The following SLC10A1 variants were observed in gnomAD, a reference collection of about 807,000 sequenced individuals.
SLC10A1 encodes the protein solute carrier family 10 member 1.
SLC10A1 carries 36 observed loss-of-function variants against 20.5 expected under a neutral mutation model. The observed-to-expected ratio is 1.75, with a 90% CI of 1.34 to 2.32. The LOEUF is 2.32. Ranked by LOEUF, SLC10A1 falls within the 30% of genes most tolerant of loss-of-function variation. The pLI is 0.00. For synonymous variants in SLC10A1, 188 were observed against 163.6 expected (o/e 1.15, Z -1.14); for missense variants, 545 against 439.1 (o/e 1.24, Z -2.16).
At chr14:69,791,647 A>G (rs1883843602) in intron 1 of SLC10A1, among the ~76,000 whole-genome samples, 1 of 152,176 alleles carries the variant, frequency 6.6e-6, no homozygotes, top group Non-Finnish European at 1.5e-5. Context: ...CAGATAACAA[A>G]ACTTATAAAA....
intron 4 of SLC10A1, among the ~76,000 whole-genome samples, chr14:69,777,771 G>A (rs1006138655): frequency 1.3e-5 from 2 of 151,774 alleles, no homozygotes; most frequent in East Asian, 3.9e-4. Context: ...GTTTATTGTG[G>A]AGGTAGTTAC....
Position 69,779,182 on chromosome 14 carries a change from C to T in SLC10A1, c.746G>A (p.Arg249Gln), listed in dbSNP as rs140623846. 2.3e-4 allele frequency: 359 copies of T among 1,581,560 alleles called. No homozygotes were observed. Among genetic ancestry groups the T allele is most frequent in the Non-Finnish European group, 2.8e-4 (332 of 1,167,660 alleles). ...TCTTAAAAAAAAAAAAAATACCTAC[C>T]GTCCATTGAGGCAGAAGAGAGCAGA... ...VLSALFCLNGRCRRTVSMETG... is the reference protein window; with the variant it reads ...VLSALFCLNGQCRRTVSMETG... The change falls in exon 3 of 5, where the codon CGG (arginine) becomes CAG (glutamine). Residue 249 changes from arginine to glutamine, a missense_variant and splice_region_variant. By Grantham distance (43) the Arg-to-Gln change is conservative. Transcript: ENST00000216540.
chr14:69,788,280 ATGG>A (rs1883768876), intron 1 of SLC10A1, among the ~76,000 whole-genome samples: 1 of 152,176 alleles, frequency 6.6e-6, no homozygotes, highest in Non-Finnish European at 1.5e-5. Context: ...ATATGAAATC[ATGG>A]TGGAAACAGT....
intron 1 of SLC10A1, among the ~76,000 whole-genome samples, chr14:69,787,495 C>T (rs1883748361): frequency 1.2e-5 from 1 of 81,418 alleles, no homozygotes; most frequent in African/African-American, 4.7e-5. Context: ...CACAGCCCTA[C>T]CCTCCATCTA....
chr14:69,792,179 A>G (rs1882287545), intron 1 of SLC10A1, among the ~76,000 whole-genome samples: 1 of 152,052 alleles, frequency 6.6e-6, no homozygotes, highest in Admixed American at 6.6e-5. Context: ...TGTAGATAGT[A>G]AAAGATTTCT....
intron 2 of SLC10A1, among the ~76,000 whole-genome samples, chr14:69,781,427 C>T (rs897466440): frequency 5.3e-5 from 8 of 152,206 alleles, no homozygotes; most frequent in African/African-American, 1.2e-4. Flanking sequence ...AGTCTACCCA[C>T]AAAGGTGGCC....
Position 69,778,445 on chromosome 14 carries a change from T to G in SLC10A1, c.831A>C (p.Glu277Asp), listed in dbSNP as rs751889477. The change falls in exon 4 of 5, where the codon GAA becomes GAC. Residue 277 changes from glutamate to aspartate, a missense_variant. Transcript: ENST00000216540. ...GAAAGAAGAAAAGTGGTCCAATGAC[T>G]TCAGGTGGAAAGGCCACATTGAGGA... ...STILNVAFPP[E>D]VIGPLFFFPL... 1.2e-6 allele frequency: 2 copies of G among 1,614,070 alleles called. No individual in the cohort carries two copies. The highest frequency in any genetic ancestry group is 8.5e-7 in the Non-Finnish European group (1 of 1,179,994).
In SLC10A1 at chr14:69,777,987, G is replaced by C. The variant is rs116123638; in HGVS notation, c.943+346C>G. Among the ~76,000 whole-genome samples the C allele has an allele frequency of 8.9e-3, 1,348 of 152,144 alleles. 17 individuals are homozygous for C. Among genetic ancestry groups the C allele is most frequent in the African/African-American group, 0.029 (1,206 of 41,492 alleles). The stretch of plus-strand genomic sequence containing the variant: ...AGAAATGGAAACTTCCCCAACTCTT[G>C]CGAATAGAGGCCTTTCACACAACTA... On this transcript the variant is annotated intron_variant, in intron 4 of 4. Transcript: ENST00000216540.
chr14:69,794,914 G>T (rs910511280), intron 1 of SLC10A1, among the ~76,000 whole-genome samples: 7 of 152,182 alleles, frequency 4.6e-5, no homozygotes, highest in African/African-American at 1.4e-4. Flanking sequence ...AGGCATTGTG[G>T]CAGAGGCCTC....
At position 69,777,578 on chromosome 14, in the gene SLC10A1, G is replaced by GTTTTTT. The variant is rs4646293; in HGVS notation, c.943+749_943+754dup. Among the ~76,000 whole-genome samples, 29 of 72,446 alleles carry GTTTTTT rather than the reference G, an allele frequency of 4.0e-4. 4 individuals carry two copies. Among genetic ancestry groups the GTTTTTT allele is most frequent in the Non-Finnish European group, 4.9e-4 (19 of 38,978 alleles). 47.5% of individuals were successfully genotyped at this position (72,446 alleles called of 152,430 possible). On this transcript the variant is annotated intron_variant, in intron 4 of 4. Transcript: ENST00000216540. ...GTTATAAAGTGGGTTTGAATGTCCT[G>GTTTTTT]TTTTTTTTTTTTTTTTTTTTTTTTT...
chr14:69,776,856 C>G (rs1883459607), intron 4 of SLC10A1, among the ~76,000 whole-genome samples: 1 of 152,134 alleles, frequency 6.6e-6, no homozygotes, highest in African/African-American at 2.4e-5. Flanking sequence ...CTGCACCTTT[C>G]TATACAGATG....
intron 1 of SLC10A1, among the ~76,000 whole-genome samples, chr14:69,788,290 CAG>C (rs1566637702): frequency 2.0e-5 from 3 of 151,898 alleles, no homozygotes; most frequent in Non-Finnish European, 2.9e-5. Flanking sequence ...ATGGTGGAAA[CAG>C]TATTTAGAAT....
chr14:69,787,511 C>G (rs1594763368), intron 1 of SLC10A1, among the ~76,000 whole-genome samples: 1 of 152,210 alleles, frequency 6.6e-6, no homozygotes, highest in South Asian at 2.1e-4. Context: ...ATCTACACTT[C>G]TTTCATTATT....
chr14:69,778,463 A>T lies in SLC10A1; in HGVS notation c.813T>A (p.Asn271Lys), dbSNP rs1001818628. The T allele has an allele frequency of 4.3e-6, 7 of 1,613,996 alleles. No individual in the cohort carries two copies. The highest frequency in any genetic ancestry group is 5.9e-6 in the Non-Finnish European group (7 of 1,179,964). The change falls in exon 4 of 5, where the codon AAT (asparagine) becomes AAA (lysine). Residue 271 changes from asparagine to lysine, a missense_variant. Asn to Lys is a moderately conservative substitution (Grantham distance 94). Coordinates refer to ENST00000216540, the MANE Select transcript of SLC10A1 (RefSeq NM_003049.4). ...CAATGACTTCAGGTGGAAAGGCCAC[A>T]TTGAGGATGGTGGAACAGAGTTGGA... ...QNVQLCSTIL[N>K]VAFPPEVIGP...
intron 2 of SLC10A1, among the ~76,000 whole-genome samples, chr14:69,784,316 G>A (rs556205513): frequency 6.6e-6 from 1 of 152,338 alleles, no homozygotes; most frequent in African/African-American, 2.4e-5. Context: ...CTGCTAGAAG[G>A]TCAAGGAAGG....
Position 69,779,223 on chromosome 14 carries a change from C to A in SLC10A1, c.705G>T (p.Leu235=). 1 of 1,613,372 alleles carries A rather than the reference C, an allele frequency of 6.2e-7. No homozygotes were observed. The highest frequency in any genetic ancestry group is 1.6e-4 in the Middle Eastern group (1 of 6,062). Residue 235 remains leucine (L), a synonymous_variant, in exon 3 of 5, where the codon CTG becomes CTT. Coordinates refer to ENST00000216540, the MANE Select transcript of SLC10A1 (RefSeq NM_003049.4). ...AGAGAGCAGAGAGAACATAACCCAGCAGAAAGCCAATAAAAGGCATCAGGG... is the reference window on the plus strand; with the variant it reads ...AGAGAGCAGAGAGAACATAACCCAGAAGAAAGCCAATAAAAGGCATCAGGG... ...TSSLMPFIGF[L]LGYVLSALFC...
intron 1 of SLC10A1, among the ~76,000 whole-genome samples, chr14:69,790,733 TAGTC>T: frequency 6.6e-6 from 1 of 152,112 alleles, no homozygotes; most frequent in Non-Finnish European, 1.5e-5. Flanking sequence ...AAAGCAAAGA[TAGTC>T]ATTATTATTA....
intron 4 of SLC10A1, 21 bp from the exon 5 acceptor site, chr14:69,776,409 A>G (rs1171165464): frequency 2.5e-6 from 4 of 1,578,204 alleles, no homozygotes; most frequent in Non-Finnish European, 3.5e-6. Flanking sequence ...AAAAAGGGTT[A>G]CAGGTGTAGA....
At chr14:69,790,363 C>T (rs770318473) in intron 1 of SLC10A1, among the ~76,000 whole-genome samples, 27 of 151,770 alleles carry the variant, frequency 1.8e-4, no homozygotes, top group Non-Finnish European at 2.8e-4. Flanking sequence ...GATCTTGGAA[C>T]GAAAGCTGGA....
Sources: gnomAD v4.1 joint callset for allele counts (sites outside exome capture counted in the v4.1 genomes callset) on GRCh38, gnomAD v4.1.1 for gene constraint, MANE v1.5 for transcripts, NCBI Gene and HGNC (gene_info 2026-07-23, HGNC 2026-07-21) for gene names.